ZNF423: variants seen among roughly 807,000 people sequenced by gnomAD.
ZNF423 encodes Ebf-associated zinc finger protein.
ZNF423 carries 12 observed loss-of-function variants against 95.8 expected under a neutral mutation model. That is an observed-to-expected ratio of 0.13 (90% confidence interval 0.08 to 0.20). The LOEUF (loss-of-function observed/expected upper bound fraction) is 0.20. Among genes scored for constraint, ZNF423 ranks in the 10% least tolerant of loss-of-function variants. The probability of loss-of-function intolerance (pLI) is 1.00; values close to 1 mark genes in which losing one functional copy is unlikely to be tolerated. For missense variants in ZNF423, 1,316 were observed against 1,737.1 expected (o/e 0.76, Z 4.31); for synonymous variants, 749 against 711.9 (o/e 1.05, Z -0.83).
intron 7 of ZNF423, among the ~76,000 whole-genome samples, chr16:49,498,810 G>A (rs1029361823): frequency 6.6e-6 from 1 of 152,090 alleles, no homozygotes; most frequent in African/African-American, 2.4e-5. Flanking sequence ...AGAAGAATTT[G>A]ACAATCGTCC....
chr16:49,850,324 C>A (rs2035289363), intron 1 of ZNF423, among the ~76,000 whole-genome samples: 1 of 152,176 alleles, frequency 6.6e-6, no homozygotes, highest in Non-Finnish European at 1.5e-5. Context: ...TGGGAAACTT[C>A]TCTGATTACC....
chr16:49,782,904 G>C (rs2034236337), intron 2 of ZNF423, among the ~76,000 whole-genome samples: 1 of 148,964 alleles, frequency 6.7e-6, no homozygotes, highest in South Asian at 2.1e-4. Flanking sequence ...CAGGAGGATT[G>C]TTTGAGCCCA....
chr16:49,758,834 A>C (rs746094545), intron 2 of ZNF423, among the ~76,000 whole-genome samples: 1 of 152,242 alleles, frequency 6.6e-6, no homozygotes, highest in Non-Finnish European at 1.5e-5. Flanking sequence ...CAAGGGGTAC[A>C]CACGTGAGTG....
chr16:49,742,314 G>A (rs1057476500), intron 2 of ZNF423, among the ~76,000 whole-genome samples: 4 of 152,162 alleles, frequency 2.6e-5, no homozygotes, highest in Non-Finnish European at 5.9e-5. Flanking sequence ...TGAGTGGAAA[G>A]AAAAGAAGGC....
chr16:49,751,149 G>A (rs2033627233), intron 2 of ZNF423, among the ~76,000 whole-genome samples: 1 of 152,152 alleles, frequency 6.6e-6, no homozygotes, highest in South Asian at 2.1e-4. Flanking sequence ...TAGACTGCAG[G>A]TGCTCATGTC....
intron 2 of ZNF423, among the ~76,000 whole-genome samples, chr16:49,762,789 C>T (rs896947631): frequency 1.3e-5 from 2 of 152,184 alleles, no homozygotes; most frequent in Admixed American, 1.3e-4. Context: ...TGACTGAGCC[C>T]AGGCAACCAG....
chr16:49,778,456 C>G (rs990981672), intron 2 of ZNF423, among the ~76,000 whole-genome samples: 1 of 152,252 alleles, frequency 6.6e-6, no homozygotes, highest in African/African-American at 2.4e-5. Flanking sequence ...TGTCCAGCCC[C>G]ACCCAAGGAA....
At chr16:49,795,686 G>T (rs2034488690) in intron 1 of ZNF423, among the ~76,000 whole-genome samples, 2 of 152,164 alleles carry the variant, frequency 1.3e-5, no homozygotes, top group Admixed American at 1.3e-4. Flanking sequence ...GGGATGGAGG[G>T]GGCTACACAG....
intron 5 of ZNF423, among the ~76,000 whole-genome samples, chr16:49,618,842 A>C (rs2151854242): frequency 6.6e-6 from 1 of 152,006 alleles, no homozygotes; most frequent in Non-Finnish European, 1.5e-5. Flanking sequence ...TCCCCCTCCC[A>C]TGTCCACTCA....
chr16:49,813,387 A>C (rs1230902457), intron 1 of ZNF423, among the ~76,000 whole-genome samples: 3 of 152,186 alleles, frequency 2.0e-5, no homozygotes, highest in Non-Finnish European at 2.9e-5. Flanking sequence ...TCCTCCAGGT[A>C]TCCACTGCCC....
At chr16:49,677,228 A>AAAGAGAAGAGAAGAG (rs1296513369) in intron 3 of ZNF423, among the ~76,000 whole-genome samples, 5,849 of 57,202 alleles carry the variant, frequency 0.1, 2,821 homozygotes, top group Non-Finnish European at 0.12. Context: ...AGAAACAAGA[A>AAAGAGAAGAGAAGAG]AAGAGAAGAG....
Position 49,541,988 on chromosome 16 carries a change from C to T in ZNF423, c.3602-16494G>A, listed in dbSNP as rs181906298. ...AGCATGAGAGCGAAGTAATACACTA[C>T]AATAAAAGCTTTTTAAAAATTTTAA... On this transcript the variant is annotated intron_variant, in intron 5 of 7. Transcript: ENST00000563137. Among the ~76,000 whole-genome samples, 963 of 152,334 alleles carry T rather than the reference C, an allele frequency of 6.3e-3. 8 individuals carry two copies. Among genetic ancestry groups the T allele is most frequent in the Non-Finnish European group, 0.01 (703 of 68,026 alleles).
chr16:49,842,005 T>C (rs1250924878), intron 1 of ZNF423, among the ~76,000 whole-genome samples: 1 of 151,512 alleles, frequency 6.6e-6, no homozygotes, highest in Non-Finnish European at 1.5e-5. Flanking sequence ...GGGAGGCCCA[T>C]GCGGGCGGAT....
intron 2 of ZNF423, among the ~76,000 whole-genome samples, chr16:49,783,928 C>T (rs2034265754): frequency 6.7e-6 from 1 of 149,402 alleles, no homozygotes; most frequent in South Asian, 2.1e-4. Context: ...CAAGATGGTG[C>T]CACTACACTC....
rs78261081 is a variant in ZNF423 at position 49,640,675 on chromosome 16, G to A, written c.302-1801C>T. 9 of 151,478 alleles carry A rather than the reference G, an allele frequency of 5.9e-5. No individual in the cohort carries two copies. The East Asian group carries it at 1.2e-3, about 20-fold the overall frequency. The allele number at this position is 151,478 out of a possible 1,614,324, so 9.4% of individuals were successfully genotyped here. A position where few individuals can be genotyped will look rare whatever the true frequency, so the allele number is the denominator to read the frequency against. On this transcript the variant is annotated intron_variant, in intron 3 of 7. Transcript: ENST00000563137. ...GGCACAGCTCAACCGGGATGCATGC[G>A]GCTCTCCGAAGCTCGCAGTTCTCCA...
chr16:49,558,360 T>C (rs11644876), intron 5 of ZNF423, among the ~76,000 whole-genome samples: 12,447 of 152,192 alleles, frequency 0.082, 668 homozygotes, highest in East Asian at 0.15. Context: ...AGTATTAAGA[T>C]GTTTACTTGT....
At chr16:49,536,668 T>C (rs1443851800) in intron 5 of ZNF423, among the ~76,000 whole-genome samples, 1 of 152,132 alleles carries the variant, frequency 6.6e-6, no homozygotes, top group East Asian at 1.9e-4. Context: ...ACTCCTGGCC[T>C]CAAATCCCAA....
chr16:49,854,897 C>G, intron 1 of ZNF423: 3 of 985,288 alleles, frequency 3.0e-6, no homozygotes, highest in Non-Finnish European at 3.6e-6. Context: ...CACAGAAAGC[C>G]GGCCTGGGTG....
chr16:49,620,982 G>C (rs569931907), intron 5 of ZNF423, among the ~76,000 whole-genome samples: 4 of 152,210 alleles, frequency 2.6e-5, no homozygotes, highest in Non-Finnish European at 5.9e-5. Context: ...TGGGGGACCA[G>C]CTTCCTCTGG....
Sources: gnomAD v4.1 joint callset for allele counts (sites outside exome capture counted in the v4.1 genomes callset) on GRCh38, gnomAD v4.1.1 for gene constraint, MANE v1.5 for transcripts, NCBI Gene and HGNC (gene_info 2026-07-23, HGNC 2026-07-21) for gene names.